Variants in ASXL3 observed in about 807,000 individuals in gnomAD.
ASXL3 encodes the protein putative Polycomb group protein ASXL3.
A neutral mutation model predicts 170.6 loss-of-function variants in ASXL3; 34 were observed. That is an observed-to-expected ratio of 0.20 (90% CI 0.15 to 0.27). ASXL3 has a LOEUF of 0.27. Ranked by LOEUF, ASXL3 falls within the 10% of genes least tolerant of loss-of-function variation. The pLI is 1.00. For missense variants in ASXL3, 2,592 were observed against 2,695.3 expected, an observed-to-expected ratio of 0.96 and a Z score of 0.85; for synonymous variants, 1,002 against 989.1, an observed-to-expected ratio of 1.01 and a Z score of -0.24.
At chr18:33,657,623 T>G (rs1052636976) in intron 4 of ASXL3, among the ~76,000 whole-genome samples, 2 of 152,122 alleles carry the variant, frequency 1.3e-5, no homozygotes, top group East Asian at 1.9e-4. Flanking sequence ...TTGGAGACAC[T>G]GAAGCCCGCA....
chr18:33,730,204 G>A (rs996594467), intron 8 of ASXL3, among the ~76,000 whole-genome samples: 27 of 151,990 alleles, frequency 1.8e-4, no homozygotes, highest in African/African-American at 6.5e-4. Context: ...TTCAGGGATG[G>A]TGCCAAACAT....
At chr18:33,652,386 A>G (rs1015748703) in intron 4 of ASXL3, among the ~76,000 whole-genome samples, 6 of 152,046 alleles carry the variant, frequency 3.9e-5, no homozygotes, top group African/African-American at 1.4e-4. Flanking sequence ...TATTAACAAG[A>G]AAAATTAAGT....
chr18:33,597,566 T>A (rs952320526), intron 1 of ASXL3, among the ~76,000 whole-genome samples: 2 of 151,918 alleles, frequency 1.3e-5, no homozygotes, highest in Non-Finnish European at 2.9e-5. Context: ...TAAAGGTAGA[T>A]GAAGTTCAGT....
chr18:33,742,770 T>G lies in ASXL3; in HGVS notation c.3040-118T>G. On this transcript the variant is annotated intron_variant, in intron 11 of 11. Coordinates refer to ENST00000269197, the MANE Select transcript of ASXL3 (RefSeq NM_030632.3). ...GTGCATCCAGGGATTTAGGTGTAGT[T>G]CATGGCATATTAGGAGAGAATGCAG... is the stretch of plus-strand genomic sequence containing the variant. 5 of 1,387,688 alleles carry G rather than the reference T, an allele frequency of 3.6e-6. No homozygotes were observed. The East Asian group carries it at 1.3e-4, about 35-fold the overall frequency. The allele number at this position is 1,387,688 out of a possible 1,614,324, so 86.0% of individuals were successfully genotyped here. A position where few individuals can be genotyped will look rare whatever the true frequency, so the allele number is the denominator to read the frequency against.
intron 7 of ASXL3, among the ~76,000 whole-genome samples, chr18:33,676,942 A>G (rs2066439893): frequency 6.6e-6 from 1 of 152,186 alleles, no homozygotes; most frequent in African/African-American, 2.4e-5. Flanking sequence ...TTTGTTTTCT[A>G]CATCTTGATA....
chr18:33,630,473 G>A (rs1568290007), intron 2 of ASXL3, among the ~76,000 whole-genome samples: 1 of 151,798 alleles, frequency 6.6e-6, no homozygotes, highest in Admixed American at 6.6e-5. Context: ...AGTGGACAAA[G>A]TACCTTGAGA....
intron 8 of ASXL3, among the ~76,000 whole-genome samples, chr18:33,710,071 C>T (rs1339501479): frequency 3.3e-5 from 5 of 152,082 alleles, no homozygotes; most frequent in Middle Eastern, 3.2e-3. Context: ...GCCTGACCAA[C>T]GTGGAGAAAC....
intron 1 of ASXL3, among the ~76,000 whole-genome samples, chr18:33,599,057 G>C (rs183074072): frequency 6.1e-4 from 93 of 152,182 alleles, no homozygotes; most frequent in Admixed American, 1.8e-3. Flanking sequence ...AAAGAGAAGA[G>C]AAAAATTTTT....
chr18:33,679,957 T>C (rs2066488249), intron 7 of ASXL3, among the ~76,000 whole-genome samples: 1 of 152,004 alleles, frequency 6.6e-6, no homozygotes, highest in Non-Finnish European at 1.5e-5. Context: ...TTATTGTTGA[T>C]GGTTTTCATT....
intron 2 of ASXL3, among the ~76,000 whole-genome samples, chr18:33,612,624 C>T (rs2145134051): frequency 1.3e-5 from 2 of 151,978 alleles, no homozygotes; most frequent in South Asian, 4.2e-4. Context: ...CCACTTTGTA[C>T]TGTGGTTTAT....
Position 33,735,720 on chromosome 18 carries a change from T to C in ASXL3, c.1082+1305T>C, listed in dbSNP as rs1233895213. Among the ~76,000 whole-genome samples, 4 of 152,192 alleles carry C rather than the reference T, an allele frequency of 2.6e-5. No individual in the cohort carries two copies. In the South Asian group the frequency reaches 8.3e-4, roughly 31 times the overall value. ...AAGAAAATGCGGGGAGCTCTCTTTT[T>C]AGTAATGGCAGAAGCATAACTGAGA... On this transcript the variant is annotated intron_variant, in intron 10 of 11. Transcript: ENST00000269197.
intron 1 of ASXL3, among the ~76,000 whole-genome samples, chr18:33,584,978 T>C (rs2065024454): frequency 6.6e-6 from 1 of 151,924 alleles, no homozygotes; most frequent in African/African-American, 2.4e-5. Context: ...GTGTTTAAAG[T>C]GATGTGAATT....
At chr18:33,665,181 A>C (rs2066237502) in intron 5 of ASXL3, among the ~76,000 whole-genome samples, 2 of 152,306 alleles carry the variant, frequency 1.3e-5, no homozygotes, top group African/African-American at 4.8e-5. Context: ...GTGTTACAGC[A>C]AGTGACATGG....
chr18:33,612,785 T>C (rs938600132), intron 2 of ASXL3, among the ~76,000 whole-genome samples: 29 of 152,140 alleles, frequency 1.9e-4, no homozygotes, highest in African/African-American at 6.5e-4. Context: ...GCCGCTGCAA[T>C]GTTTTGCCTA....
Position 33,584,060 on chromosome 18 carries a change from G to A in ASXL3, c.54+5375G>A, listed in dbSNP as rs2065014732. 3.9e-5 allele frequency among the ~76,000 whole-genome samples: 6 copies of A among 152,172 alleles called. No individual in the cohort carries two copies. In the South Asian group the frequency reaches 1.2e-3, roughly 32 times the overall value. On this transcript the variant is annotated intron_variant, in intron 1 of 11. Transcript: ENST00000269197. The stretch of plus-strand genomic sequence containing the variant: ...TGCTCATTTACAGATTTACAGAAGG[G>A]AAAAGCTATGTGGTATGTGGTGATT...
chr18:33,734,365 G>C lies in ASXL3; in HGVS notation c.1032G>C (p.Lys344Asn). 1 of 1,609,574 alleles carries C rather than the reference G, an allele frequency of 6.2e-7. No homozygotes were observed. The highest frequency in any genetic ancestry group is 8.5e-7 in the Non-Finnish European group (1 of 1,178,094). Reference protein sequence around the residue: ...LRIRQEIEKEKKTEPWKEKFF... With the variant: ...LRIRQEIEKENKTEPWKEKFF... ...TAAGGCAAGAAATTGAGAAGGAAAA[G>C]AAAACAGAACCTTGGAAAGAAAAAT... is the stretch of plus-strand genomic sequence containing the variant. The change falls in exon 10 of 12, where the codon AAG (lysine) becomes AAC (asparagine). Residue 344 changes from lysine (K) to asparagine (N), a missense_variant. By Grantham distance (94) the Lys-to-Asn change is moderately conservative. Around this residue, in one of 4 missense-constraint regions of ASXL3, gnomAD observed 73 missense variants for 142.7 expected, o/e 0.51. Coordinates refer to ENST00000269197, the MANE Select transcript of ASXL3 (RefSeq NM_030632.3).
chr18:33,618,767 A>C (rs187238553), intron 2 of ASXL3, among the ~76,000 whole-genome samples: 16 of 152,132 alleles, frequency 1.1e-4, no homozygotes, highest in Admixed American at 3.9e-4. Context: ...TAAGCCTCAT[A>C]CTTGATGTTA....
chr18:33,657,558 C>G (rs1025397320), intron 4 of ASXL3, among the ~76,000 whole-genome samples: 9 of 152,092 alleles, frequency 5.9e-5, no homozygotes, highest in Non-Finnish European at 8.8e-5. Context: ...TTTACATTTT[C>G]TAGTTCCATA....
intron 1 of ASXL3, among the ~76,000 whole-genome samples, chr18:33,584,470 CT>C (rs2065019209): frequency 6.6e-6 from 1 of 152,084 alleles, no homozygotes; most frequent in South Asian, 2.1e-4. Context: ...TGTCATAAGT[CT>C]TACGATATGT....
Sources: gnomAD v4.1 joint callset for allele counts (sites outside exome capture counted in the v4.1 genomes callset) on GRCh38, gnomAD v4.1.1 for gene constraint, gnomAD v4.1.1 regional missense constraint, MANE v1.5 for transcripts, NCBI Gene and HGNC (gene_info 2026-07-23, HGNC 2026-07-21) for gene names.